The following BTBD10 variants were observed in gnomAD, a reference collection of about 807,000 sequenced individuals.
The protein encoded by BTBD10 is BTB domain containing 10.
Under a neutral mutation model 53.2 loss-of-function variants are expected in BTBD10, and 21 were observed. The observed-to-expected ratio is 0.39, with a 90% confidence interval of 0.28 to 0.57. The LOEUF (loss-of-function observed/expected upper bound fraction) is 0.57. Ranked by LOEUF, BTBD10 falls within the 20% of genes least tolerant of loss-of-function variation. The pLI, the probability that BTBD10 is intolerant of heterozygous loss-of-function variation, is 0.53. For synonymous variants in BTBD10, 149 were observed against 192.7 expected, an observed-to-expected ratio of 0.77 and a Z score of 1.88; for missense variants, 360 against 594.7, an observed-to-expected ratio of 0.61 and a Z score of 4.10.
intron 1 of BTBD10, among the ~76,000 whole-genome samples, chr11:13,449,401 C>T (rs894555394): frequency 6.6e-6 from 1 of 151,914 alleles, no homozygotes; most frequent in Admixed American, 6.6e-5. Flanking sequence ...AAGATTAAAA[C>T]CCCAGTCTAA....
chr11:13,396,798 T>A (rs1565229015), intron 8 of BTBD10, among the ~76,000 whole-genome samples: 1 of 152,238 alleles, frequency 6.6e-6, no homozygotes, highest in Non-Finnish European at 1.5e-5. Flanking sequence ...ATTGAGATAA[T>A]CATGTGTTTT....
At chr11:13,423,916 C>T (rs1950288942) in intron 2 of BTBD10, among the ~76,000 whole-genome samples, 1 of 151,968 alleles carries the variant, frequency 6.6e-6, no homozygotes, top group South Asian at 2.1e-4. Context: ...AATTCTACTC[C>T]CACCTTCATT....
At chr11:13,451,304 C>T (rs915308410) in intron 1 of BTBD10, among the ~76,000 whole-genome samples, 2 of 152,118 alleles carry the variant, frequency 1.3e-5, no homozygotes, top group Non-Finnish European at 2.9e-5. Context: ...CAACTGTATA[C>T]ACCTCCAGCA....
chr11:13,392,216 A>T (rs1437724401), intron 8 of BTBD10, among the ~76,000 whole-genome samples: 2 of 152,226 alleles, frequency 1.3e-5, no homozygotes, highest in African/African-American at 4.8e-5. Context: ...AGAATTCAGA[A>T]GATGAATGAG....
In BTBD10 at chr11:13,388,894, G is replaced by A; in HGVS notation, c.1365C>T (p.Leu455=). 1.9e-6 allele frequency: 3 copies of A among 1,614,164 alleles called. No homozygotes were observed. Among genetic ancestry groups the A allele is most frequent in the Non-Finnish European group, 2.5e-6 (3 of 1,180,012 alleles). The part of the protein sequence containing the change: ...PTPQVDELDI[L]PIHPPSGNSD... ...TGTTGCCAGAAGGGGGATGGATAGG[G>A]AGAATATCCAGCTCATCCACTTGTG... Residue 455 remains leucine (L), a synonymous_variant, in exon 9 of 9, where the codon CTC becomes CTT. Coordinates refer to ENST00000278174, the MANE Select transcript of BTBD10 (RefSeq NM_032320.7).
Position 13,461,075 on chromosome 11 carries a change from T to C in BTBD10, c.-58+2017A>G, listed in dbSNP as rs535676570. ...CTTAAAGGCTATTAAACTTAACTAC[T>C]GTTTTCAATTAGATGTGACATTTTT... On this transcript the variant is annotated intron_variant, in intron 1 of 8. Transcript: ENST00000278174. 1.2e-4 allele frequency among the ~76,000 whole-genome samples: 19 copies of C among 152,348 alleles called. 1 individual carries two copies. The South Asian group carries it at 3.1e-3, about 25-fold the overall frequency.
Position 13,405,834 on chromosome 11 carries a change from T to C in BTBD10, c.831A>G (p.Ser277=). The C allele has an allele frequency of 1.9e-6, 3 of 1,613,508 alleles. No homozygotes were observed. Among genetic ancestry groups the C allele is most frequent in the Non-Finnish European group, 2.5e-6 (3 of 1,179,542 alleles). The change falls in exon 7 of 9, where the codon TCA becomes TCG. Residue 277 remains serine, a synonymous_variant. Transcript: ENST00000278174. ...CAAATTGTCTACGAGCACCATCATT[T>C]GATAACTCATGCATTAGGGCACCTG... The part of the protein sequence containing the change: ...RDLSALMHEL[S]NDGARRQFEF...
At chr11:13,413,070 G>C (rs1338730839) in intron 6 of BTBD10, among the ~76,000 whole-genome samples, 1 of 152,158 alleles carries the variant, frequency 6.6e-6, no homozygotes, top group Non-Finnish European at 1.5e-5. Context: ...ATGAGGGCTA[G>C]ACATTCAATC....
At chr11:13,447,616 A>G (rs1950773834) in intron 1 of BTBD10, among the ~76,000 whole-genome samples, 1 of 152,186 alleles carries the variant, frequency 6.6e-6, no homozygotes, top group Non-Finnish European at 1.5e-5. Context: ...AGGTGGCAGG[A>G]GCGAAATTCC....
chr11:13,462,503 A>C (rs1951121442), intron 1 of BTBD10: 1 of 152,182 alleles, frequency 6.6e-6, no homozygotes. Context: ...CAAATTACTA[A>C]CCGATGTCTC....
In BTBD10 at chr11:13,399,059, C is replaced by T. The variant is rs527814471; in HGVS notation, c.1117+4109G>A. On this transcript the variant is annotated intron_variant, in intron 8 of 8. Transcript: ENST00000278174. Reference sequence around the variant, plus strand: ...CTCTTCTCGAGGAGTATCTTTGTGGCGTTCTCTGTATTTCCTGAATTTGAA... The same window carrying T: ...CTCTTCTCGAGGAGTATCTTTGTGGTGTTCTCTGTATTTCCTGAATTTGAA... 3.9e-5 allele frequency among the ~76,000 whole-genome samples: 6 copies of T among 152,206 alleles called. No homozygotes were observed. In the South Asian group the frequency reaches 1.0e-3, roughly 26 times the overall value.
At chr11:13,459,640 T>G (rs1692510388) in intron 1 of BTBD10, 1 of 152,218 alleles carries the variant, frequency 6.6e-6, no homozygotes, top group Non-Finnish European at 1.5e-5. Flanking sequence ...AAAACCCTTA[T>G]TACTTCAACT....
intron 2 of BTBD10, among the ~76,000 whole-genome samples, chr11:13,434,251 C>T (rs1950506369): frequency 6.6e-6 from 1 of 152,036 alleles, no homozygotes; most frequent in African/African-American, 2.4e-5. Context: ...CAACTGAAGT[C>T]ACATGAAGAC....
At chr11:13,448,140 G>A (rs1950782847) in intron 1 of BTBD10, among the ~76,000 whole-genome samples, 1 of 152,072 alleles carries the variant, frequency 6.6e-6, no homozygotes, top group South Asian at 2.1e-4. Flanking sequence ...ATGCCAATAT[G>A]CAAGGTGCTG....
intron 4 of BTBD10, among the ~76,000 whole-genome samples, 172 bp from the exon 5 acceptor site, chr11:13,417,432 T>A (rs188479036): frequency 2.6e-5 from 4 of 152,346 alleles, no homozygotes. Context: ...AAAAACATTT[T>A]CTTTTTGATG....
chr11:13,444,785 T>C (rs1382927539), intron 2 of BTBD10, among the ~76,000 whole-genome samples: 2 of 152,070 alleles, frequency 1.3e-5, no homozygotes, highest in African/African-American at 4.8e-5. Flanking sequence ...ATTCATGGGG[T>C]CAACTAGGGA....
chr11:13,453,789 C>T (rs1950911932), intron 1 of BTBD10, among the ~76,000 whole-genome samples: 1 of 152,160 alleles, frequency 6.6e-6, no homozygotes, highest in African/African-American at 2.4e-5. Flanking sequence ...TGCGGTGGCT[C>T]ACACCTGTAA....
chr11:13,437,030 G>A lies in BTBD10; in HGVS notation c.101+7994C>T, dbSNP rs145718473. On this transcript the variant is annotated intron_variant, in intron 2 of 8. Coordinates refer to ENST00000278174, the MANE Select transcript of BTBD10 (RefSeq NM_032320.7). ...ACTCCTGGCCTCAAGCAACCCGCACGCCTCAGCTTCCCCAAGTGCTGGGAT... is the reference window on the plus strand; with the variant it reads ...ACTCCTGGCCTCAAGCAACCCGCACACCTCAGCTTCCCCAAGTGCTGGGAT... Among the ~76,000 whole-genome samples the A allele has an allele frequency of 4.2e-3, 639 of 152,254 alleles. 4 individuals carry two copies. The highest frequency in any genetic ancestry group is 0.017 in the Middle Eastern group (5 of 294).
chr11:13,420,988 C>T (rs1352302776), intron 3 of BTBD10, among the ~76,000 whole-genome samples: 4 of 152,150 alleles, frequency 2.6e-5, no homozygotes, highest in Non-Finnish European at 4.4e-5. Context: ...AACAGATTAT[C>T]AGAAACTATT....
Sources: gnomAD v4.1 joint callset for allele counts (sites outside exome capture counted in the v4.1 genomes callset) on GRCh38, gnomAD v4.1.1 for gene constraint, MANE v1.5 for transcripts, NCBI Gene and HGNC (gene_info 2026-07-23, HGNC 2026-07-21) for gene names.